SLC4A4: variants seen among roughly 807,000 people sequenced by gnomAD.
The protein encoded by SLC4A4 is solute carrier family 4 member 4.
A neutral mutation model predicts 111.5 loss-of-function variants in SLC4A4; 27 were observed. The observed-to-expected ratio is 0.24, with a 90% confidence interval of 0.18 to 0.33. The LOEUF (loss-of-function observed/expected upper bound fraction) is 0.33. SLC4A4 is among the 10% of genes least tolerant of loss of function. The pLI is 1.00. For synonymous variants in SLC4A4, 443 were observed against 463.4 expected, an observed-to-expected ratio of 0.96 and a Z score of 0.57; for missense variants, 909 against 1,315.5, an observed-to-expected ratio of 0.69 and a Z score of 4.78.
At chr4:71,219,973 G>A (rs1302975111) in intron 1 of SLC4A4, among the ~76,000 whole-genome samples, 1 of 152,186 alleles carries the variant, frequency 6.6e-6, no homozygotes, top group Non-Finnish European at 1.5e-5. Context: ...TCTGCTCCTG[G>A]TGAAGATGCT....
At chr4:71,444,845 G>T (rs1215406824) in intron 8 of SLC4A4, among the ~76,000 whole-genome samples, 1 of 152,068 alleles carries the variant, frequency 6.6e-6, no homozygotes, top group East Asian at 1.9e-4. Context: ...GACATTTTTG[G>T]CTTGAGGTTA....
intron 2 of SLC4A4, among the ~76,000 whole-genome samples, chr4:71,138,775 G>A (rs1578515210): frequency 6.6e-6 from 1 of 152,086 alleles, no homozygotes; most frequent in Non-Finnish European, 1.5e-5. Flanking sequence ...GGTGGCTCAC[G>A]CCTGTAATCC....
At chr4:71,110,587 C>T (rs1743058691) in intron 2 of SLC4A4, among the ~76,000 whole-genome samples, 1 of 152,132 alleles carries the variant, frequency 6.6e-6, no homozygotes, top group African/African-American at 2.4e-5. Flanking sequence ...TTAGAAGTTC[C>T]ATGGATGGAT....
chr4:71,545,087 A>G (rs1252444159), intron 18 of SLC4A4, among the ~76,000 whole-genome samples: 1 of 152,076 alleles, frequency 6.6e-6, no homozygotes. Flanking sequence ...TGCCTTCCTG[A>G]AAAGAACTGG....
chr4:71,236,832 T>G (rs898003892), intron 2 of SLC4A4, among the ~76,000 whole-genome samples, 183 bp downstream of exon 2: 1 of 152,202 alleles, frequency 6.6e-6, no homozygotes, highest in Non-Finnish European at 1.5e-5. Flanking sequence ...CACTGGACCA[T>G]CAAAATCTGA....
intron 7 of SLC4A4, among the ~76,000 whole-genome samples, chr4:71,433,763 A>G (rs1723858221): frequency 6.6e-6 from 1 of 152,114 alleles, no homozygotes; most frequent in African/African-American, 2.4e-5. Context: ...AGTTATACAT[A>G]TTAAACAATC....
intron 16 of SLC4A4, among the ~76,000 whole-genome samples, chr4:71,523,444 T>C (rs1733135708): frequency 6.6e-6 from 1 of 152,212 alleles, no homozygotes; most frequent in South Asian, 2.1e-4. Context: ...ATACTTCAGT[T>C]CTTACAGACA....
At chr4:71,180,602 CTCA>C (rs1385344379) in intron 2 of SLC4A4, among the ~76,000 whole-genome samples, 2 of 152,166 alleles carry the variant, frequency 1.3e-5, no homozygotes, top group Non-Finnish European at 2.9e-5. Flanking sequence ...TGAAAAAATG[CTCA>C]TCATCACTGG....
At chr4:71,276,555 G>A (rs1338974786) in intron 3 of SLC4A4, among the ~76,000 whole-genome samples, 1 of 149,798 alleles carries the variant, frequency 6.7e-6, no homozygotes, top group East Asian at 1.9e-4. Context: ...CATATGGTAT[G>A]TGAATCTGCT....
chr4:71,507,978 G>A lies in SLC4A4; in HGVS notation c.2166+10286G>A, dbSNP rs1731569735. 2.6e-5 allele frequency among the ~76,000 whole-genome samples: 4 copies of A among 152,264 alleles called. No homozygotes were observed. The South Asian group carries it at 8.3e-4, about 32-fold the overall frequency. On this transcript the variant is annotated intron_variant, in intron 16 of 25. Transcript: ENST00000264485. ...CATGGAAATTGAACAACTTGCTCCT[G>A]AATGACTTTTGGGAAAATAATGAAA...
rs1011923117 is a variant in SLC4A4 at position 71,297,128 on chromosome 4, G to T, written c.253+41729G>T. ...GACATTCTGAGGTTTCCCATGTATT[G>T]GGAGGAGGCCCAAGACAAAGAGGTC... On this transcript the variant is annotated intron_variant, in intron 3 of 25. Coordinates refer to ENST00000264485, the MANE Select transcript of SLC4A4 (RefSeq NM_001098484.3). 7.2e-5 allele frequency among the ~76,000 whole-genome samples: 11 copies of T among 152,278 alleles called. No homozygotes were observed. In the East Asian group the frequency reaches 1.5e-3, roughly 21 times the overall value.
chr4:71,081,522 AT>A (rs1336402022), intron 1 of SLC4A4, among the ~76,000 whole-genome samples: 14 of 152,146 alleles, frequency 9.2e-5, no homozygotes, highest in Non-Finnish European at 1.9e-4. Context: ...TCAGCCAGTG[AT>A]GCTTTTGCAA....
At chr4:71,286,482 G>C (rs901660808) in intron 3 of SLC4A4, among the ~76,000 whole-genome samples, 1 of 152,166 alleles carries the variant, frequency 6.6e-6, no homozygotes, top group African/African-American at 2.4e-5. Context: ...TTCTTCCCTA[G>C]CATGTGTCTC....
chr4:71,260,299 A>T (rs966297703), intron 3 of SLC4A4, among the ~76,000 whole-genome samples: 1 of 152,092 alleles, frequency 6.6e-6, no homozygotes, highest in South Asian at 2.1e-4. Context: ...TCCCAACCTG[A>T]CCTCATACTT....
chr4:71,261,087 G>A (rs773409108), intron 3 of SLC4A4, among the ~76,000 whole-genome samples: 3 of 152,110 alleles, frequency 2.0e-5, no homozygotes, highest in Admixed American at 6.6e-5. Context: ...TTTAGCTGTC[G>A]GCTTGGCTCT....
rs949737097 is a variant in SLC4A4 at position 71,258,020 on chromosome 4, A to G, written c.253+2621A>G. Among the ~76,000 whole-genome samples the G allele has an allele frequency of 1.3e-4, 20 of 152,310 alleles. 3 individuals are homozygous for G. The highest frequency in any genetic ancestry group is 1.3e-3 in the Admixed American group (20 of 15,298). Reference sequence around the variant, plus strand: ...GTCTCTGCTTTTTAAGTATTTCTTCATAGAGAGGCACCATTGATCATCATA... The same window carrying G: ...GTCTCTGCTTTTTAAGTATTTCTTCGTAGAGAGGCACCATTGATCATCATA... On this transcript the variant is annotated intron_variant, in intron 3 of 25. Transcript: ENST00000264485.
intron 1 of SLC4A4, among the ~76,000 whole-genome samples, chr4:71,230,972 C>T (rs1719386267): frequency 6.6e-6 from 1 of 152,230 alleles, no homozygotes; most frequent in Admixed American, 6.5e-5. Flanking sequence ...TTTGCTACTG[C>T]ATCCTTTGGC....
chr4:71,195,594 C>T (rs73828767), intron 1 of SLC4A4, among the ~76,000 whole-genome samples: 3,522 of 152,276 alleles, frequency 0.023, 95 homozygotes, highest in African/African-American at 0.067. Flanking sequence ...TCAGAAAAAT[C>T]TCATCTGTTC....
chr4:71,217,028 A>C (rs559287369), intron 1 of SLC4A4, among the ~76,000 whole-genome samples: 5 of 152,234 alleles, frequency 3.3e-5, no homozygotes, highest in African/African-American at 1.2e-4. Context: ...CATTCACTTT[A>C]TAAAAATTCT....
Sources: allele counts gnomAD v4.1 joint callset (sites outside exome capture counted in the v4.1 genomes callset), GRCh38; gene constraint gnomAD v4.1.1; transcripts MANE v1.5; gene names NCBI Gene and HGNC (gene_info 2026-07-23, HGNC 2026-07-21).